Variants in LDLRAD4 observed in about 807,000 individuals in gnomAD.
LDLRAD4 encodes low-density lipoprotein receptor class A domain-containing protein 4.
In LDLRAD4, 5 loss-of-function variants were observed where a neutral mutation model predicts 17.0. That is an observed-to-expected ratio of 0.29 (90% CI 0.15 to 0.62). The LOEUF (loss-of-function observed/expected upper bound fraction) is 0.62. LDLRAD4 is among the 20% of genes least tolerant of loss of function. The probability of loss-of-function intolerance (pLI) is 0.84; values close to 1 mark genes in which losing one functional copy is unlikely to be tolerated. For missense variants in LDLRAD4, 340 were observed against 424.7 expected (o/e 0.80, Z 1.75); for synonymous variants, 168 against 171.8 (o/e 0.98, Z 0.17).
chr18:13,280,964 A>G (rs2045236442), intron 1 of LDLRAD4, among the ~76,000 whole-genome samples: 3 of 152,220 alleles, frequency 2.0e-5, no homozygotes. Context: ...AAAGAGGACC[A>G]ATAGTACTGG....
chr18:13,639,829 GTTATA>G (rs1007773582), intron 4 of LDLRAD4, among the ~76,000 whole-genome samples: 3 of 152,144 alleles, frequency 2.0e-5, no homozygotes, highest in Non-Finnish European at 2.9e-5. Context: ...CATAATTTTT[GTTATA>G]TTATTATACC....
rs372419255 is a variant in LDLRAD4, at chr18:13,367,718, G to A, written c.-382-19623G>A. Among the ~76,000 whole-genome samples the A allele has an allele frequency of 3.1e-4, 47 of 152,066 alleles. No individual in the cohort carries two copies. In the East Asian group the frequency reaches 8.5e-3, roughly 28 times the overall value. The stretch of plus-strand genomic sequence containing the variant: ...GGCACACGTTGTCAAGGGATATACC[G>A]AGAGGAGACAGCCGAGCCCGGGGGG... On this transcript the variant is annotated intron_variant, in intron 1 of 5. Coordinates refer to ENST00000359446, the Ensembl canonical transcript of LDLRAD4. The surrounding 1 kb of genome is among the most constrained non-coding windows in gnomAD (Gnocchi z 4.1).
chr18:13,540,800 C>T (rs952085386), intron 3 of LDLRAD4, among the ~76,000 whole-genome samples: 2 of 152,208 alleles, frequency 1.3e-5, no homozygotes, highest in African/African-American at 4.8e-5. Context: ...TCAGTGTCTG[C>T]TGATAACAGT....
intron 3 of LDLRAD4, among the ~76,000 whole-genome samples, chr18:13,588,921 TTTTC>T (rs1474318146): frequency 2.7e-5 from 4 of 148,424 alleles, no homozygotes; most frequent in Non-Finnish European, 6.0e-5. Context: ...TTTCTTTTTT[TTTTC>T]TTTTTTTCTT....
chr18:13,624,861 T>C (rs1041561396), intron 4 of LDLRAD4, among the ~76,000 whole-genome samples: 2 of 152,212 alleles, frequency 1.3e-5, no homozygotes, highest in Admixed American at 1.3e-4. Context: ...TGTGCAGGCC[T>C]GTGCTCCAGG....
At chr18:13,332,579 C>G (rs2081919690) in intron 1 of LDLRAD4, among the ~76,000 whole-genome samples, 1 of 152,230 alleles carries the variant, frequency 6.6e-6, no homozygotes, top group African/African-American at 2.4e-5. Context: ...TCCCCTCAAC[C>G]TGTGGCAACC....
intron 2 of LDLRAD4, among the ~76,000 whole-genome samples, chr18:13,411,531 G>T (rs1315371065): frequency 6.6e-6 from 1 of 152,136 alleles, no homozygotes; most frequent in Non-Finnish European, 1.5e-5. Context: ...GAATCACAGG[G>T]ATGAGTCTTT....
rs1300669671 is a variant in LDLRAD4 at position 13,300,519 on chromosome 18, C to G, written c.-383+22331C>G. Reference sequence around the variant, plus strand: ...AGCATGGAGCCCCATTGTCCTCACTCTTCCTCCTGGGCCTGTCCCGGTAGA... The same window carrying G: ...AGCATGGAGCCCCATTGTCCTCACTGTTCCTCCTGGGCCTGTCCCGGTAGA... On this transcript the variant is annotated intron_variant, in intron 1 of 5. Coordinates refer to ENST00000359446, the Ensembl canonical transcript of LDLRAD4. This position sits in a 1 kb window ranked among gnomAD's most constrained non-coding sequence, Gnocchi z 4.2. Among the ~76,000 whole-genome samples the G allele has an allele frequency of 2.0e-5, 3 of 152,260 alleles. No homozygotes were observed. The highest frequency in any genetic ancestry group is 4.4e-5 in the Non-Finnish European group (3 of 68,050).
At chr18:13,616,590 AG>A (rs2040103215) in intron 3 of LDLRAD4, among the ~76,000 whole-genome samples, 1 of 152,188 alleles carries the variant, frequency 6.6e-6, no homozygotes, top group South Asian at 2.1e-4. Flanking sequence ...TGACGCCCTC[AG>A]GGGAGGGCTT....
At chr18:13,442,846 G>A (rs1339816382) in intron 3 of LDLRAD4, among the ~76,000 whole-genome samples, 2 of 152,186 alleles carry the variant, frequency 1.3e-5, no homozygotes, top group African/African-American at 2.4e-5. Context: ...CGAAGCCAGC[G>A]CTGCTGAGGG....
chr18:13,422,187 C>T (rs1175786024), intron 2 of LDLRAD4, among the ~76,000 whole-genome samples: 6 of 152,120 alleles, frequency 3.9e-5, no homozygotes, highest in Non-Finnish European at 7.4e-5. Context: ...GATTATGGAG[C>T]AAGAAGCTCA....
chr18:13,494,623 G>A (rs1355782455), intron 3 of LDLRAD4, among the ~76,000 whole-genome samples: 1 of 33,184 alleles, frequency 3.0e-5, no homozygotes, highest in African/African-American at 1.1e-4. Context: ...AGGCTGCAGT[G>A]AGAAATGATT....
At chr18:13,221,510 A>G (rs148821237) in intron 1 of LDLRAD4, among the ~76,000 whole-genome samples, 6 of 152,330 alleles carry the variant, frequency 3.9e-5, no homozygotes, top group African/African-American at 1.4e-4. Flanking sequence ...TCTGTCTACT[A>G]TTTGAAAATT....
At chr18:13,397,838 GA>G in intron 2 of LDLRAD4, among the ~76,000 whole-genome samples, 1 of 152,246 alleles carries the variant, frequency 6.6e-6, no homozygotes, top group Non-Finnish European at 1.5e-5. Flanking sequence ...TAAAATTGCA[GA>G]AAATTCAGGG....
chr18:13,599,081 C>G (rs2095129126), intron 3 of LDLRAD4, among the ~76,000 whole-genome samples: 1 of 152,202 alleles, frequency 6.6e-6, no homozygotes, highest in Non-Finnish European at 1.5e-5. Context: ...AGCCTATGGC[C>G]TCTTGACTGC....
At chr18:13,562,191 C>T (rs1222018332) in intron 3 of LDLRAD4, among the ~76,000 whole-genome samples, 1 of 152,218 alleles carries the variant, frequency 6.6e-6, no homozygotes, top group Non-Finnish European at 1.5e-5. Context: ...GTGATCATCA[C>T]ACCTGCTTTT....
At chr18:13,543,294 A>G (rs572430190) in intron 3 of LDLRAD4, 1 of 152,214 alleles carries the variant, frequency 6.6e-6, no homozygotes, top group South Asian at 2.1e-4. Flanking sequence ...TCCTAAAATC[A>G]TCTTCATCCT....
At chr18:13,303,164 A>G (rs1004455631) in intron 1 of LDLRAD4, among the ~76,000 whole-genome samples, 2 of 152,234 alleles carry the variant, frequency 1.3e-5, no homozygotes, top group Non-Finnish European at 2.9e-5. Flanking sequence ...CATGCTGGAC[A>G]GCAGCCATGT....
In LDLRAD4 at chr18:13,386,946, AGATGGATG is replaced by A. The variant is rs1233023596; in HGVS notation, c.-382-387_-382-380del. On this transcript the variant is annotated intron_variant, in intron 1 of 5. Coordinates refer to ENST00000359446, the Ensembl canonical transcript of LDLRAD4. ...TAGATAGATAGATAGATAGATAGAT[AGATGGATG>A]GATGGATAGATAAGATAGATAGATA... Among the ~76,000 whole-genome samples, 953 of 98,400 alleles carry A rather than the reference AGATGGATG, an allele frequency of 9.7e-3. 13 individuals are homozygous for A. The highest frequency in any genetic ancestry group is 0.052 in the African/African-American group (868 of 16,628). 64.6% of individuals were successfully genotyped at this position (98,400 alleles called of 152,430 possible). A position where few individuals can be genotyped will look rare whatever the true frequency, so the allele number is the denominator to read the frequency against.
Sources: gnomAD v4.1 joint callset for allele counts (sites outside exome capture counted in the v4.1 genomes callset) on GRCh38, gnomAD v4.1.1 for gene constraint, Gnocchi (gnomAD v3.1) non-coding constraint, MANE v1.5 for transcripts, NCBI Gene and HGNC (gene_info 2026-07-23, HGNC 2026-07-21) for gene names.